The following SDK1 variants were observed in gnomAD, a reference collection of about 807,000 sequenced individuals.
SDK1 encodes sidekick cell adhesion molecule 1.
A neutral mutation model predicts 245.5 loss-of-function variants in SDK1; 157 were observed. The ratio of observed to expected loss-of-function variants is 0.64; its 90% CI spans 0.56 to 0.73. The LOEUF (loss-of-function observed/expected upper bound fraction) is 0.73, where lower values mean the gene tolerates loss of function less well. Ranked by LOEUF, SDK1 falls within the 30% of genes least tolerant of loss-of-function variation. The pLI is 0.00. For synonymous variants in SDK1, 1,647 were observed against 1,278.5 expected (o/e 1.29, Z -6.15); for missense variants, 3,583 against 3,002.3 (o/e 1.19, Z -4.52).
chr7:3,956,786 G>A (rs774787624), intron 7 of SDK1, among the ~76,000 whole-genome samples: 5 of 152,164 alleles, frequency 3.3e-5, no homozygotes, highest in Non-Finnish European at 7.3e-5. Flanking sequence ...ACCACTTGGA[G>A]AGGAGCAGCA....
intron 17 of SDK1, among the ~76,000 whole-genome samples, chr7:4,019,983 G>A (rs1455003427): frequency 6.6e-6 from 1 of 152,178 alleles, no homozygotes; most frequent in East Asian, 1.9e-4. Context: ...GATGGTAAAT[G>A]CCTCTGGGGA....
intron 5 of SDK1, among the ~76,000 whole-genome samples, chr7:3,934,273 C>CT (rs1203621674): frequency 1.3e-5 from 2 of 152,196 alleles, no homozygotes; most frequent in Non-Finnish European, 2.9e-5. Context: ...TATTTATCTC[C>CT]TTTTTTCTTT....
intron 4 of SDK1, among the ~76,000 whole-genome samples, chr7:3,777,255 T>A (rs1225025117): frequency 6.6e-6 from 1 of 152,222 alleles, no homozygotes; most frequent in Admixed American, 6.5e-5. Context: ...GTGACTTTCG[T>A]TCCAGCCTTG....
chr7:3,548,728 A>T (rs1779308493), intron 1 of SDK1, among the ~76,000 whole-genome samples: 1 of 152,202 alleles, frequency 6.6e-6, no homozygotes, highest in Non-Finnish European at 1.5e-5. Context: ...TTTTCTCTTC[A>T]GACCATCTTT....
intron 29 of SDK1, among the ~76,000 whole-genome samples, chr7:4,148,932 T>C (rs1187288131): frequency 6.6e-6 from 1 of 152,176 alleles, no homozygotes; most frequent in Non-Finnish European, 1.5e-5. Context: ...GGTGCACACC[T>C]GTAGTCCCAG....
At chr7:3,640,017 G>T (rs1317668669) in intron 3 of SDK1, among the ~76,000 whole-genome samples, 1 of 151,872 alleles carries the variant, frequency 6.6e-6, no homozygotes, top group Non-Finnish European at 1.5e-5. Context: ...TGGCTAATCT[G>T]GCTAATTTCT....
At chr7:3,338,206 G>A (rs752339195) in intron 1 of SDK1, 4 of 269,420 alleles carry the variant, frequency 1.5e-5, no homozygotes, top group Non-Finnish European at 2.9e-5. Flanking sequence ...TGTTCTTTTG[G>A]CCACATACCT....
intron 32 of SDK1, among the ~76,000 whole-genome samples, chr7:4,171,557 G>A (rs1028217219): frequency 6.6e-6 from 1 of 152,204 alleles, no homozygotes; most frequent in Admixed American, 6.5e-5. Context: ...GTTCTGGCCT[G>A]GTAGCTGAGC....
intron 1 of SDK1, among the ~76,000 whole-genome samples, chr7:3,461,001 T>C (rs1433065656): frequency 6.6e-6 from 1 of 152,206 alleles, no homozygotes; most frequent in East Asian, 1.9e-4. Context: ...ACCATACATA[T>C]CTGACTTGGA....
At chr7:3,824,240 C>A (rs561695766) in intron 5 of SDK1, among the ~76,000 whole-genome samples, 1 of 152,202 alleles carries the variant, frequency 6.6e-6, no homozygotes, top group South Asian at 2.1e-4. Flanking sequence ...GTTCTGCAGA[C>A]TTAGATATCT....
At chr7:4,232,414 T>TC (rs1451579705) in intron 40 of SDK1, among the ~76,000 whole-genome samples, 2 of 143,590 alleles carry the variant, frequency 1.4e-5, no homozygotes, top group African/African-American at 2.6e-5. Context: ...TTTCTTTCTT[T>TC]TTTTTTTTTT....
chr7:3,846,446 A>G (rs1228318395), intron 5 of SDK1, among the ~76,000 whole-genome samples: 4 of 152,182 alleles, frequency 2.6e-5, no homozygotes, highest in Non-Finnish European at 5.9e-5. Flanking sequence ...TGAAAAGAAT[A>G]TGGCACATTC....
intron 33 of SDK1, among the ~76,000 whole-genome samples, chr7:4,174,789 G>C (rs781241992): frequency 1.2e-4 from 19 of 152,106 alleles, no homozygotes; most frequent in Admixed American, 1.0e-3. Flanking sequence ...GCTGATTTTG[G>C]CTCTGCCTGC....
intron 35 of SDK1, among the ~76,000 whole-genome samples, chr7:4,191,427 C>T (rs1261816804): frequency 1.3e-5 from 2 of 152,260 alleles, no homozygotes; most frequent in Admixed American, 6.5e-5. Context: ...GTGCCCGCTG[C>T]TGCATTTGGA....
At chr7:4,063,603 A>AC (rs899713195) in intron 19 of SDK1, among the ~76,000 whole-genome samples, 2 of 151,728 alleles carry the variant, frequency 1.3e-5, no homozygotes, top group African/African-American at 2.4e-5. Flanking sequence ...ATAGCAAAAA[A>AC]AAAAAACAAA....
chr7:3,988,594 G>A, intron 14 of SDK1, among the ~76,000 whole-genome samples: 1 of 152,206 alleles, frequency 6.6e-6, no homozygotes, highest in African/African-American at 2.4e-5. Context: ...AGCCACACGG[G>A]ACACATGAAA....
chr7:3,817,312 C>T (rs1473631550), intron 4 of SDK1, among the ~76,000 whole-genome samples: 1 of 152,202 alleles, frequency 6.6e-6, no homozygotes, highest in Non-Finnish European at 1.5e-5. Context: ...TTACTTCTTA[C>T]AGCTTGTAAG....
intron 4 of SDK1, among the ~76,000 whole-genome samples, chr7:3,686,682 A>G (rs961462074): frequency 1.3e-5 from 2 of 152,234 alleles, no homozygotes; most frequent in Non-Finnish European, 2.9e-5. Flanking sequence ...GAAAGAAGCT[A>G]CGACTCTGTT....
intron 1 of SDK1, among the ~76,000 whole-genome samples, chr7:3,605,980 T>A (rs1163701593): frequency 1.3e-5 from 2 of 152,214 alleles, no homozygotes; most frequent in East Asian, 3.8e-4. Flanking sequence ...TTTTGAAAGA[T>A]ATTAATTTCT....
Sources: gnomAD v4.1 joint callset for allele counts (sites outside exome capture counted in the v4.1 genomes callset) on GRCh38, gnomAD v4.1.1 for gene constraint, MANE v1.5 for transcripts, NCBI Gene and HGNC (gene_info 2026-07-23, HGNC 2026-07-21) for gene names.